CCDC102B: variants seen among roughly 807,000 people sequenced by gnomAD.
CCDC102B encodes coiled-coil domain containing 102B.
A neutral mutation model predicts 57.4 loss-of-function variants in CCDC102B; 75 were observed. That is an observed-to-expected ratio of 1.31 (90% CI 1.08 to 1.58). The LOEUF is 1.58. Among genes scored for constraint, CCDC102B ranks in the 40% most tolerant of loss-of-function variants. CCDC102B has a pLI of 0.00. For synonymous variants in CCDC102B, 206 were observed against 201.9 expected (o/e 1.02, Z -0.17); for missense variants, 636 against 582.6 (o/e 1.09, Z -0.94).
chr18:68,782,236 A>G (rs557267556), intron 2 of CCDC102B, among the ~76,000 whole-genome samples: 37 of 152,222 alleles, frequency 2.4e-4, no homozygotes, highest in African/African-American at 8.4e-4. Flanking sequence ...CCAAAAGTTT[A>G]TATTTTTACT....
At position 68,998,967 on chromosome 18, in the gene CCDC102B, C is replaced by CATAT. The variant is rs377246950; in HGVS notation, c.1264-11937_1264-11934dup. On this transcript the variant is annotated intron_variant, in intron 6 of 7. Coordinates refer to ENST00000360242, the MANE Select transcript of CCDC102B (RefSeq NM_024781.3). ...TCAATGTTAATAATCACATAATCAT[C>CATAT]ATATATATATATATATATATATATA... Among the ~76,000 whole-genome samples the CATAT allele has an allele frequency of 8.7e-5, 8 of 92,016 alleles. No homozygotes were observed. The East Asian group carries it at 1.4e-3, about 16-fold the overall frequency. 60.4% of individuals were successfully genotyped at this position (92,016 alleles called of 152,430 possible).
chr18:69,032,229 A>G (rs2052165505), intron 7 of CCDC102B, among the ~76,000 whole-genome samples: 3 of 152,190 alleles, frequency 2.0e-5, no homozygotes, highest in Non-Finnish European at 1.5e-5. Flanking sequence ...TCTGTTGTGC[A>G]TTAATTGTGC....
chr18:68,880,102 G>C (rs2039625755), intron 5 of CCDC102B, among the ~76,000 whole-genome samples: 1 of 152,192 alleles, frequency 6.6e-6, no homozygotes, highest in Non-Finnish European at 1.5e-5. Flanking sequence ...GGGGTGGAAG[G>C]CTCAGGCATG....
intron 3 of CCDC102B, among the ~76,000 whole-genome samples, chr18:68,840,313 A>G (rs1281248615): frequency 6.6e-6 from 1 of 152,182 alleles, no homozygotes; most frequent in African/African-American, 2.4e-5. Context: ...ATGGACTGAA[A>G]TAGGGATAAA....
chr18:68,737,413 A>C (rs576274743), intron 2 of CCDC102B, among the ~76,000 whole-genome samples: 14 of 150,234 alleles, frequency 9.3e-5, no homozygotes, highest in Admixed American at 8.7e-4. Flanking sequence ...CTTCTCCACC[A>C]GCGTTATAGA....
chr18:68,974,925 A>T (rs1241982781), intron 6 of CCDC102B, among the ~76,000 whole-genome samples: 1 of 151,952 alleles, frequency 6.6e-6, no homozygotes, highest in Non-Finnish European at 1.5e-5. Context: ...TAAAACATTT[A>T]CATAGGCTTT....
At chr18:68,991,585 C>T (rs1427178037) in intron 6 of CCDC102B, among the ~76,000 whole-genome samples, 1 of 152,150 alleles carries the variant, frequency 6.6e-6, no homozygotes, top group Non-Finnish European at 1.5e-5. Flanking sequence ...ACTTGTGATT[C>T]CATCTAAAAT....
intron 6 of CCDC102B, among the ~76,000 whole-genome samples, chr18:68,995,579 G>A (rs959017293): frequency 1.4e-4 from 21 of 152,064 alleles, no homozygotes; most frequent in African/African-American, 5.1e-4. Flanking sequence ...CATGGTGTTC[G>A]GCCTGTAGGT....
chr18:69,030,398 A>G (rs1255018205), intron 7 of CCDC102B, among the ~76,000 whole-genome samples: 1 of 152,234 alleles, frequency 6.6e-6, no homozygotes, highest in Non-Finnish European at 1.5e-5. Context: ...AAATATCTGG[A>G]AAGATATGGC....
At chr18:68,926,762 C>G (rs2145126293) in intron 6 of CCDC102B, among the ~76,000 whole-genome samples, 1 of 151,976 alleles carries the variant, frequency 6.6e-6, no homozygotes, top group South Asian at 2.1e-4. Flanking sequence ...TTAGAATTCA[C>G]TTTTGAAATG....
chr18:68,725,011 A>G (rs113004313), intron 2 of CCDC102B, among the ~76,000 whole-genome samples: 354 of 152,340 alleles, frequency 2.3e-3, no homozygotes, highest in South Asian at 4.8e-3. Flanking sequence ...CAGGAAACTT[A>G]CAATCATGGC....
intron 7 of CCDC102B, 99 bp downstream of exon 7, chr18:69,011,203 G>A (rs2051506672): frequency 3.8e-6 from 4 of 1,056,710 alleles, no homozygotes; most frequent in African/African-American, 3.2e-5. Context: ...GCATTAATGG[G>A]ATATAAATAT....
upstream of CCDC102B, among the ~76,000 whole-genome samples, chr18:68,794,654 G>A (rs1390713598): frequency 3.9e-5 from 6 of 152,008 alleles, no homozygotes; most frequent in African/African-American, 1.2e-4. Flanking sequence ...GAAACCTCAC[G>A]GCTGAATTTT....
At chr18:68,750,499 C>T (rs547735031) in intron 2 of CCDC102B, among the ~76,000 whole-genome samples, 13 of 152,106 alleles carry the variant, frequency 8.5e-5, no homozygotes, top group East Asian at 7.7e-4. Context: ...CACATGCACA[C>T]GTATGTTTAT....
chr18:68,797,806 A>G (rs979004801), upstream of CCDC102B, among the ~76,000 whole-genome samples: 3 of 149,540 alleles, frequency 2.0e-5, no homozygotes, highest in African/African-American at 7.4e-5. Flanking sequence ...TATTATTACA[A>G]GTTATACTGT....
chr18:68,783,872 ATAAC>A (rs2144640716), intron 2 of CCDC102B, among the ~76,000 whole-genome samples: 1 of 152,304 alleles, frequency 6.6e-6, no homozygotes, highest in Admixed American at 6.5e-5. Flanking sequence ...AAGTCTGCTG[ATAAC>A]ATTTATGAGT....
intron 7 of CCDC102B, among the ~76,000 whole-genome samples, chr18:69,013,971 G>T (rs1003778364): frequency 6.6e-6 from 1 of 152,128 alleles, no homozygotes; most frequent in Non-Finnish European, 1.5e-5. Flanking sequence ...GAATCTATTA[G>T]TTTCCTGTAA....
At chr18:68,974,042 T>C (rs972927284) in intron 6 of CCDC102B, among the ~76,000 whole-genome samples, 1 of 152,074 alleles carries the variant, frequency 6.6e-6, no homozygotes, top group South Asian at 2.1e-4. Flanking sequence ...ATAGGAACCT[T>C]TGGAGACTTT....
In CCDC102B at chr18:68,871,750, C is replaced by T. The variant is rs377188049; in HGVS notation, c.937-2919C>T. Among the ~76,000 whole-genome samples, 41 of 152,120 alleles carry T rather than the reference C, an allele frequency of 2.7e-4. No homozygotes were observed. In the Middle Eastern group the frequency reaches 0.01, roughly 38 times the overall value. On this transcript the variant is annotated intron_variant, in intron 4 of 7. Coordinates refer to ENST00000360242, the MANE Select transcript of CCDC102B (RefSeq NM_024781.3). ...TAGGAGATGAGGGCTGAGGAGTTATCGGATCATGTGGATAATAAGGACTTT... is the reference window on the plus strand; with the variant it reads ...TAGGAGATGAGGGCTGAGGAGTTATTGGATCATGTGGATAATAAGGACTTT...
Sources: gnomAD v4.1 joint callset for allele counts (sites outside exome capture counted in the v4.1 genomes callset) on GRCh38, gnomAD v4.1.1 for gene constraint, MANE v1.5 for transcripts, NCBI Gene and HGNC (gene_info 2026-07-23, HGNC 2026-07-21) for gene names.